The following CNKSR2 variants were observed in gnomAD, a reference collection of about 807,000 sequenced individuals.
CNKSR2 encodes CNK homolog protein 2.
In CNKSR2, 14 loss-of-function variants were observed where a neutral mutation model predicts 84.4. That is an observed-to-expected ratio of 0.17 (90% CI 0.11 to 0.26). The LOEUF is 0.26. Among genes scored for constraint, CNKSR2 ranks in the 10% least tolerant of loss-of-function variants. The pLI is 1.00. For synonymous variants in CNKSR2, 275 were observed against 277.9 expected (o/e 0.99, Z 0.10); for missense variants, 485 against 771.2 (o/e 0.63, Z 4.40).
intron 8 of CNKSR2, among the ~76,000 whole-genome samples, chrX:21,513,212 TAAAAG>T (rs960113931): frequency 7.2e-5 from 8 of 111,584 alleles, no homozygotes; most frequent in African/African-American, 2.0e-4. Flanking sequence ...TGAAAGCTCT[TAAAAG>T]AGATTATTGT....
At chrX:21,504,995 T>C (rs1232591127) in intron 8 of CNKSR2, 2 of 278,395 alleles carry the variant, frequency 7.2e-6, no homozygotes, top group Non-Finnish European at 1.3e-5. Context: ...TCCCTCTCTC[T>C]GGGAGATACC....
At chrX:21,569,348 T>C (rs2092266317) in intron 13 of CNKSR2, among the ~76,000 whole-genome samples, 1 of 111,426 alleles carries the variant, frequency 9.0e-6, no homozygotes, top group Non-Finnish European at 1.9e-5. Flanking sequence ...CAAAGTTTGC[T>C]CTATCAATTT....
At chrX:21,617,521 G>T (rs2092582416) in intron 20 of CNKSR2, among the ~76,000 whole-genome samples, 1 of 111,873 alleles carries the variant, frequency 8.9e-6, no homozygotes, top group Admixed American at 9.5e-5. Context: ...AGTGATGAAA[G>T]TGCAAAGCCA....
At chrX:21,482,283 T>G (rs1856578438) in intron 5 of CNKSR2, among the ~76,000 whole-genome samples, 1 of 112,267 alleles carries the variant, frequency 8.9e-6, no homozygotes, top group Non-Finnish European at 1.9e-5. Flanking sequence ...AAATACTTTT[T>G]TGATTAGAGG....
rs1206025610 is a variant in CNKSR2, at chrX:21,580,055, C to A, written c.1609-10517C>A. 2.7e-5 allele frequency among the ~76,000 whole-genome samples: 3 copies of A among 111,841 alleles called. No homozygotes were observed. The East Asian group carries it at 8.3e-4, about 31-fold the overall frequency. On this transcript the variant is annotated intron_variant, in intron 13 of 21. Coordinates refer to ENST00000379510, the MANE Select transcript of CNKSR2 (RefSeq NM_014927.5). ...ATGATGATTTGATTCCTGCTGCAAG[C>A]GCAGAAGTTAAAATATCTCCCCATC...
At chrX:21,637,902 A>G (rs1416179815) in intron 20 of CNKSR2, among the ~76,000 whole-genome samples, 1 of 111,539 alleles carries the variant, frequency 9.0e-6, no homozygotes, top group Non-Finnish European at 1.9e-5. Context: ...GTTACTCTTG[A>G]TAGACTTGAA....
At chrX:21,640,514 C>T (rs184089916) in intron 20 of CNKSR2, among the ~76,000 whole-genome samples, 2 of 111,665 alleles carry the variant, frequency 1.8e-5, no homozygotes, top group South Asian at 3.8e-4. Context: ...AAATTAGTTC[C>T]GCTGATTTCT....
chrX:21,580,537 G>A (rs1262827302), intron 13 of CNKSR2, among the ~76,000 whole-genome samples: 1 of 111,580 alleles, frequency 9.0e-6, no homozygotes, highest in East Asian at 2.8e-4. Flanking sequence ...TAAAAATAAA[G>A]TTAAAGTAAT....
At chrX:21,562,879 A>G (rs1601951696) in intron 12 of CNKSR2, among the ~76,000 whole-genome samples, 2 of 111,486 alleles carry the variant, frequency 1.8e-5, no homozygotes, top group African/African-American at 6.5e-5. Context: ...GATTGTTACA[A>G]ATTTTATAAG....
intron 20 of CNKSR2, among the ~76,000 whole-genome samples, chrX:21,616,610 A>G (rs982700349): frequency 2.5e-4 from 28 of 112,004 alleles, no homozygotes; most frequent in East Asian, 8.4e-4. Context: ...TGGCTGTTTT[A>G]TGGTCACATT....
intron 1 of CNKSR2, chrX:21,425,676 C>G (rs2090556045): frequency 9.0e-6 from 1 of 111,677 alleles, no homozygotes; most frequent in African/African-American, 3.3e-5. Flanking sequence ...GTATTCTTTA[C>G]TTAAATTTCT....
intron 20 of CNKSR2, among the ~76,000 whole-genome samples, chrX:21,634,555 T>C (rs1569286072): frequency 9.0e-6 from 1 of 111,433 alleles, no homozygotes; most frequent in East Asian, 2.8e-4. Flanking sequence ...ACCATCTTTA[T>C]AATATTGCAA....
intron 20 of CNKSR2, among the ~76,000 whole-genome samples, chrX:21,632,575 T>A (rs768227863): frequency 8.9e-6 from 1 of 112,154 alleles, no homozygotes; most frequent in South Asian, 3.7e-4. Flanking sequence ...GTGTGTACTC[T>A]GCATAGTCAA....
At chrX:21,527,547 A>G (rs1419798812) in intron 10 of CNKSR2, among the ~76,000 whole-genome samples, 1 of 110,834 alleles carries the variant, frequency 9.0e-6, no homozygotes, top group Non-Finnish European at 1.9e-5. Flanking sequence ...TTACAAGGGA[A>G]TGAATTACCC....
At chrX:21,597,174 C>A (rs982553279) in intron 17 of CNKSR2, among the ~76,000 whole-genome samples, 2 of 111,684 alleles carry the variant, frequency 1.8e-5, no homozygotes, top group Admixed American at 9.5e-5. Context: ...TTAGAAGTTG[C>A]CTCTTTCAAA....
chrX:21,497,620 A>T (rs1244193905), intron 6 of CNKSR2, among the ~76,000 whole-genome samples, 167 bp from the exon 7 acceptor site: 3 of 111,725 alleles, frequency 2.7e-5, no homozygotes, highest in Non-Finnish European at 5.7e-5. Context: ...ATGTTCAGAT[A>T]GTAATTTCTC....
chrX:21,585,630 T>C (rs1054990956), intron 13 of CNKSR2, among the ~76,000 whole-genome samples: 1 of 110,741 alleles, frequency 9.0e-6, no homozygotes, highest in African/African-American at 3.3e-5. Context: ...GGCTGATGAG[T>C]GATAGATATC....
intron 1 of CNKSR2, among the ~76,000 whole-genome samples, chrX:21,383,590 A>T (rs1308701899): frequency 8.9e-6 from 1 of 112,304 alleles, no homozygotes; most frequent in Non-Finnish European, 1.9e-5. Context: ...CTTAGAAATT[A>T]AGTAGGTTGG....
chrX:21,396,992 A>G (rs775845678), intron 1 of CNKSR2, among the ~76,000 whole-genome samples: 6 of 111,645 alleles, frequency 5.4e-5, no homozygotes, highest in Non-Finnish European at 1.1e-4. Context: ...TAATCCCCTC[A>G]TTAGAAATGT....
Sources: allele counts gnomAD v4.1 joint callset (sites outside exome capture counted in the v4.1 genomes callset), GRCh38; gene constraint gnomAD v4.1.1; transcripts MANE v1.5; gene names NCBI Gene and HGNC (gene_info 2026-07-23, HGNC 2026-07-21).